Variants in FBXL17 observed in about 807,000 individuals in gnomAD.
FBXL17 encodes F-box/LRR-repeat protein 17.
A neutral mutation model predicts 66.2 loss-of-function variants in FBXL17; 22 were observed. The ratio of observed to expected loss-of-function variants is 0.33; its 90% CI spans 0.24 to 0.47. FBXL17 has a LOEUF of 0.47. Among genes scored for constraint, FBXL17 ranks in the 20% least tolerant of loss-of-function variants. The pLI is 1.00. For missense variants in FBXL17, 878 were observed against 948.2 expected (o/e 0.93, Z 0.97); for synonymous variants, 474 against 400.5 (o/e 1.18, Z -2.19).
chr5:108,090,986 T>TTTG (rs1215698451), intron 6 of FBXL17, among the ~76,000 whole-genome samples: 1 of 152,224 alleles, frequency 6.6e-6, no homozygotes, highest in African/African-American at 2.4e-5. Flanking sequence ...CCACTAAGTT[T>TTTG]TTGTTGTTGT....
chr5:108,143,372 CACAT>C (rs1392116363), intron 6 of FBXL17, among the ~76,000 whole-genome samples: 2 of 151,886 alleles, frequency 1.3e-5, no homozygotes, highest in African/African-American at 4.8e-5. Flanking sequence ...CACACACACA[CACAT>C]ATACAAATAA....
chr5:107,933,219 A>C (rs1750791360), intron 7 of FBXL17, among the ~76,000 whole-genome samples: 1 of 152,220 alleles, frequency 6.6e-6, no homozygotes. Flanking sequence ...GCAGCACAGA[A>C]TTAGGATCTA....
At chr5:107,942,097 C>G (rs148044431) in intron 7 of FBXL17, among the ~76,000 whole-genome samples, 1 of 152,192 alleles carries the variant, frequency 6.6e-6, no homozygotes, top group Admixed American at 6.5e-5. Flanking sequence ...GCTTCTACCT[C>G]TCAGCACAGG....
At chr5:108,307,187 T>C (rs1260716258) in intron 4 of FBXL17, among the ~76,000 whole-genome samples, 2 of 152,116 alleles carry the variant, frequency 1.3e-5, no homozygotes, top group Non-Finnish European at 2.9e-5. Context: ...ATATTCTCCT[T>C]AAGAAGACAT....
At chr5:108,287,322 AACAG>A (rs1219095102) in intron 4 of FBXL17, among the ~76,000 whole-genome samples, 6 of 152,134 alleles carry the variant, frequency 3.9e-5, no homozygotes, top group African/African-American at 9.7e-5. Context: ...TGACAGAGTA[AACAG>A]ACAGTCTACA....
At chr5:108,211,036 G>A (rs1201069807) in intron 5 of FBXL17, among the ~76,000 whole-genome samples, 6 of 152,134 alleles carry the variant, frequency 3.9e-5, no homozygotes. Flanking sequence ...AGCTCTTCTT[G>A]TTCCATTGGT....
chr5:108,158,624 G>C (rs1289058652), intron 6 of FBXL17, among the ~76,000 whole-genome samples: 1 of 151,844 alleles, frequency 6.6e-6, no homozygotes, highest in East Asian at 1.9e-4. Context: ...AGAGAGACTG[G>C]AGCAGAAGGA....
chr5:107,879,770 G>A (rs1352756261), intron 8 of FBXL17: 33 of 985,276 alleles, frequency 3.3e-5, no homozygotes, highest in Non-Finnish European at 4.0e-5. Context: ...GCACACATGT[G>A]TAAATTAGTA....
At chr5:107,950,766 T>C (rs1248001407) in intron 7 of FBXL17, among the ~76,000 whole-genome samples, 2 of 152,164 alleles carry the variant, frequency 1.3e-5, no homozygotes, top group East Asian at 3.9e-4. Flanking sequence ...AATAGGTAAT[T>C]GAAAGTTTGT....
At chr5:108,203,156 T>TACA (rs893919703) in intron 5 of FBXL17, among the ~76,000 whole-genome samples, 1 of 152,124 alleles carries the variant, frequency 6.6e-6, no homozygotes, top group African/African-American at 2.4e-5. Flanking sequence ...GGAACTTTCG[T>TACA]ACATCATGAT....
chr5:108,375,602 T>C lies in FBXL17; in HGVS notation c.993+5097A>G, dbSNP rs140606883. Among the ~76,000 whole-genome samples, 482 of 152,164 alleles carry C rather than the reference T, an allele frequency of 3.2e-3. 2 individuals are homozygous for C. The highest frequency in any genetic ancestry group is 0.011 in the African/African-American group (462 of 41,504). Reference sequence around the variant, plus strand: ...AAAGGAAATAGAAAATCTGAGTAGATGTACAGCACGTAAAAAGATGGAATA... The same window carrying C: ...AAAGGAAATAGAAAATCTGAGTAGACGTACAGCACGTAAAAAGATGGAATA... On this transcript the variant is annotated intron_variant, in intron 1 of 8. Coordinates refer to ENST00000542267, the MANE Select transcript of FBXL17 (RefSeq NM_001163315.3).
chr5:108,242,737 C>T (rs749032479), intron 4 of FBXL17, among the ~76,000 whole-genome samples: 13 of 152,084 alleles, frequency 8.5e-5, no homozygotes, highest in Non-Finnish European at 1.2e-4. Flanking sequence ...GCTTCATCTA[C>T]TTCCAAAACA....
intron 7 of FBXL17, among the ~76,000 whole-genome samples, chr5:107,993,720 A>ACACAT: frequency 6.6e-6 from 1 of 152,318 alleles, no homozygotes; most frequent in Non-Finnish European, 1.5e-5. Flanking sequence ...AAAGGAAGGT[A>ACACAT]CACATTTTAT....
At chr5:108,144,413 A>T (rs1191758042) in intron 6 of FBXL17, among the ~76,000 whole-genome samples, 1 of 152,198 alleles carries the variant, frequency 6.6e-6, no homozygotes, top group Non-Finnish European at 1.5e-5. Context: ...TCATTTAATC[A>T]TGTGTCAACT....
At chr5:107,959,669 T>C (rs1488217107) in intron 7 of FBXL17, among the ~76,000 whole-genome samples, 2 of 152,188 alleles carry the variant, frequency 1.3e-5, no homozygotes, top group African/African-American at 2.4e-5. Context: ...TAATGGTTCT[T>C]ATAATATGGG....
intron 7 of FBXL17, among the ~76,000 whole-genome samples, chr5:107,976,862 A>T (rs1472241671): frequency 2.0e-5 from 3 of 152,190 alleles, no homozygotes; most frequent in African/African-American, 7.2e-5. Flanking sequence ...TTCTAGTCTC[A>T]CAGGAGTTGA....
rs1196643004 is a variant in FBXL17 at position 107,861,807 on chromosome 5, G to A, written c.2019C>T (p.Phe673=). 6.3e-7 allele frequency: 1 copy of A among 1,579,340 alleles called. No individual in the cohort carries two copies. The highest frequency in any genetic ancestry group is 1.8e-5 in the Admixed American group (1 of 56,628). ...QLVQQYPHIT[F]STVLQDCKRT... ...TCTTGCAGTCCTGCAGGACGGTGCT[G>A]AAGGTGATGTGGGGGTACTGCTGCA... Residue 673 remains phenylalanine, a synonymous_variant, in exon 9 of 9, where the codon TTC becomes TTT. Coordinates refer to ENST00000542267, the MANE Select transcript of FBXL17 (RefSeq NM_001163315.3).
At chr5:107,939,079 G>A (rs1294161914) in intron 7 of FBXL17, among the ~76,000 whole-genome samples, 1 of 152,110 alleles carries the variant, frequency 6.6e-6, no homozygotes, top group African/African-American at 2.4e-5. Flanking sequence ...TGTTCTGGAA[G>A]GGGATGATTT....
chr5:108,293,010 C>T (rs1271004119), intron 4 of FBXL17, among the ~76,000 whole-genome samples: 1 of 150,572 alleles, frequency 6.6e-6, no homozygotes, highest in Non-Finnish European at 1.5e-5. Flanking sequence ...ATGGCGTGAA[C>T]CCGGGAGGCG....
Sources: gnomAD v4.1 joint callset for allele counts (sites outside exome capture counted in the v4.1 genomes callset) on GRCh38, gnomAD v4.1.1 for gene constraint, MANE v1.5 for transcripts, NCBI Gene and HGNC (gene_info 2026-07-23, HGNC 2026-07-21) for gene names.